Variants in IMMP2L observed in about 807,000 individuals in gnomAD.
IMMP2L encodes the protein inner mitochondrial membrane peptidase subunit 2.
In IMMP2L, 18 loss-of-function variants were observed where a neutral mutation model predicts 19.3. That is an observed-to-expected ratio of 0.93 (90% confidence interval 0.64 to 1.38). IMMP2L has a LOEUF of 1.38. Ranked by LOEUF, IMMP2L falls within the 40% of genes most tolerant of loss-of-function variation. IMMP2L has a pLI of 0.00. For missense variants in IMMP2L, 233 were observed against 218.2 expected, an observed-to-expected ratio of 1.07 and a Z score of -0.43; for synonymous variants, 76 against 73.0, an observed-to-expected ratio of 1.04 and a Z score of -0.21.
intron 4 of IMMP2L, among the ~76,000 whole-genome samples, chr7:110,915,395 T>C (rs924407445): frequency 1.4e-5 from 2 of 147,810 alleles, no homozygotes; most frequent in African/African-American, 5.0e-5. Context: ...ATCACTTATG[T>C]GTGGAATCTA....
At chr7:110,696,965 T>A (rs1022159592) in intron 5 of IMMP2L, among the ~76,000 whole-genome samples, 2 of 152,052 alleles carry the variant, frequency 1.3e-5, no homozygotes, top group African/African-American at 4.8e-5. Context: ...TGAGGAGAGA[T>A]AAGAAGTGCA....
intron 3 of IMMP2L, among the ~76,000 whole-genome samples, chr7:111,217,508 C>A (rs1179143552): frequency 6.6e-6 from 1 of 152,066 alleles, no homozygotes; most frequent in Non-Finnish European, 1.5e-5. Flanking sequence ...ATTTAGCCTA[C>A]AGCAGAGCAG....
At chr7:110,811,015 T>C (rs542240731) in intron 5 of IMMP2L, among the ~76,000 whole-genome samples, 1 of 152,074 alleles carries the variant, frequency 6.6e-6, no homozygotes, top group Admixed American at 6.6e-5. Context: ...AGAGGCCATG[T>C]TGAGGATATG....
intron 4 of IMMP2L, among the ~76,000 whole-genome samples, chr7:110,939,804 A>T (rs776108165): frequency 6.6e-6 from 1 of 152,160 alleles, no homozygotes; most frequent in Non-Finnish European, 1.5e-5. Context: ...AAAAGCTCCC[A>T]AGTGCAGCAA....
intron 3 of IMMP2L, among the ~76,000 whole-genome samples, chr7:111,036,115 A>G (rs951021110): frequency 2.0e-5 from 3 of 152,298 alleles, no homozygotes; most frequent in Middle Eastern, 3.4e-3. Context: ...AACTACATCA[A>G]TAAATATGGC....
chr7:110,796,123 T>C (rs776398050), intron 5 of IMMP2L, among the ~76,000 whole-genome samples: 1 of 152,086 alleles, frequency 6.6e-6, no homozygotes, highest in Non-Finnish European at 1.5e-5. Context: ...TGAAGAAGGA[T>C]GTGTTTGTTT....
intron 3 of IMMP2L, among the ~76,000 whole-genome samples, chr7:111,438,965 C>T (rs577867281): frequency 6.6e-6 from 1 of 151,978 alleles, no homozygotes; most frequent in South Asian, 2.1e-4. Context: ...GGAAACACTT[C>T]TTGCCTCAGA....
intron 5 of IMMP2L, among the ~76,000 whole-genome samples, chr7:110,692,972 C>A (rs1200818315): frequency 6.6e-6 from 1 of 152,196 alleles, no homozygotes; most frequent in Non-Finnish European, 1.5e-5. Flanking sequence ...CCCAAGCCAT[C>A]TGCACATGAA....
At chr7:111,383,881 G>C (rs1021686607) in intron 3 of IMMP2L, among the ~76,000 whole-genome samples, 1 of 152,074 alleles carries the variant, frequency 6.6e-6, no homozygotes, top group African/African-American at 2.4e-5. Flanking sequence ...TATCAAGGAA[G>C]TTTTCTCTGA....
At chr7:111,254,183 TAGAGA>T (rs779937566) in intron 3 of IMMP2L, among the ~76,000 whole-genome samples, 16 of 152,112 alleles carry the variant, frequency 1.1e-4, no homozygotes, top group Non-Finnish European at 1.9e-4. Flanking sequence ...CTATGAATGA[TAGAGA>T]AAAGACTTAA....
intron 3 of IMMP2L, among the ~76,000 whole-genome samples, chr7:111,454,068 G>C (rs1400608978): frequency 6.6e-6 from 1 of 152,110 alleles, no homozygotes; most frequent in Non-Finnish European, 1.5e-5. Context: ...TCAAAGCATT[G>C]TGAGACAACT....
At chr7:111,063,071 C>T (rs1181173099) in intron 3 of IMMP2L, among the ~76,000 whole-genome samples, 1 of 152,220 alleles carries the variant, frequency 6.6e-6, no homozygotes, top group Non-Finnish European at 1.5e-5. Flanking sequence ...TTCCCTTCTG[C>T]ACTGCCCTAG....
chr7:111,030,121 C>T (rs1402445355), intron 3 of IMMP2L, among the ~76,000 whole-genome samples: 1 of 152,104 alleles, frequency 6.6e-6, no homozygotes, highest in African/African-American at 2.4e-5. Flanking sequence ...AGGAGAGACT[C>T]AATCTCAAGA....
intron 3 of IMMP2L, among the ~76,000 whole-genome samples, chr7:111,417,856 G>T (rs893182368): frequency 6.6e-6 from 1 of 151,764 alleles, no homozygotes; most frequent in Non-Finnish European, 1.5e-5. Flanking sequence ...CAATGAAATA[G>T]AACTTTTCAG....
chr7:111,016,079 A>T (rs1825486674), intron 3 of IMMP2L, among the ~76,000 whole-genome samples: 1 of 152,086 alleles, frequency 6.6e-6, no homozygotes, highest in East Asian at 1.9e-4. Context: ...CAAGGATAAA[A>T]ATATGAAATT....
intron 3 of IMMP2L, among the ~76,000 whole-genome samples, chr7:110,966,530 A>G (rs1215332511): frequency 3.9e-5 from 6 of 152,178 alleles, no homozygotes; most frequent in Middle Eastern, 3.4e-3. Flanking sequence ...TAAGCTTTTG[A>G]GATTCTTAAA....
intron 5 of IMMP2L, among the ~76,000 whole-genome samples, chr7:110,800,264 G>C (rs969442158): frequency 3.7e-4 from 56 of 152,082 alleles, no homozygotes; most frequent in African/African-American, 1.3e-3. Flanking sequence ...ACAACAATTG[G>C]AGTATTAGAA....
chr7:111,108,741 A>G (rs1798833741), intron 3 of IMMP2L, among the ~76,000 whole-genome samples: 1 of 152,178 alleles, frequency 6.6e-6, no homozygotes, highest in Non-Finnish European at 1.5e-5. Flanking sequence ...ATCACTCAAT[A>G]GTTCATGCAT....
chr7:110,788,364 T>G (rs550545881), intron 5 of IMMP2L, among the ~76,000 whole-genome samples: 1 of 151,992 alleles, frequency 6.6e-6, no homozygotes, highest in African/African-American at 2.4e-5. Flanking sequence ...ATGCAGTGGA[T>G]TTAAGCTAAT....
Sources: allele counts gnomAD v4.1 joint callset (sites outside exome capture counted in the v4.1 genomes callset), GRCh38; gene constraint gnomAD v4.1.1; transcripts MANE v1.5; gene names NCBI Gene and HGNC (gene_info 2026-07-23, HGNC 2026-07-21).